DSCAM: variants seen among roughly 807,000 people sequenced by gnomAD.
The protein encoded by DSCAM is DS cell adhesion molecule.
DSCAM carries 47 observed loss-of-function variants against 217.7 expected under a neutral mutation model. The ratio of observed to expected loss-of-function variants is 0.22; its 90% CI spans 0.17 to 0.28. DSCAM has a LOEUF of 0.28. Ranked by LOEUF, DSCAM falls within the 10% of genes least tolerant of loss-of-function variation. The pLI, the probability that DSCAM is intolerant of heterozygous loss-of-function variation, is 1.00. For missense variants in DSCAM, 2,080 were observed against 2,618.3 expected, an observed-to-expected ratio of 0.79 and a Z score of 4.49; for synonymous variants, 1,056 against 1,015.3, an observed-to-expected ratio of 1.04 and a Z score of -0.76.
chr21:40,471,303 G>T (rs1287909443), intron 3 of DSCAM, among the ~76,000 whole-genome samples: 2 of 152,128 alleles, frequency 1.3e-5, no homozygotes, highest in Admixed American at 1.3e-4. Flanking sequence ...AGGAAGCAGG[G>T]GGAAGTGAAC....
chr21:40,346,961 C>T (rs1451378433), intron 6 of DSCAM, among the ~76,000 whole-genome samples: 1 of 152,098 alleles, frequency 6.6e-6, no homozygotes, highest in Non-Finnish European at 1.5e-5. Context: ...GAGGAAGGTG[C>T]TCCTAGCATA....
chr21:40,144,810 G>A lies in DSCAM; in HGVS notation c.3019-79C>T. On this transcript the variant is annotated intron_variant, in intron 16 of 32. Coordinates refer to ENST00000400454, the MANE Select transcript of DSCAM (RefSeq NM_001389.5). This position sits in a 1 kb window ranked among gnomAD's most constrained non-coding sequence, Gnocchi z 4.8. ...GAAATCAACGCCCACACCCACGTAG[G>A]AAAGCAGAAATAAAGTGGAGTCATC... 1 of 1,582,014 alleles carries A rather than the reference G, an allele frequency of 6.3e-7. No homozygotes were observed. The highest frequency in any genetic ancestry group is 8.6e-7 in the Non-Finnish European group (1 of 1,164,530).
intron 8 of DSCAM, among the ~76,000 whole-genome samples, chr21:40,317,630 A>T (rs968991594): frequency 3.3e-5 from 5 of 152,036 alleles, no homozygotes; most frequent in Non-Finnish European, 4.4e-5. Flanking sequence ...CCCGGGCTCA[A>T]GTGATTCTCC....
chr21:40,800,278 C>G (rs757450939), intron 1 of DSCAM, among the ~76,000 whole-genome samples: 1 of 152,020 alleles, frequency 6.6e-6, no homozygotes, highest in Non-Finnish European at 1.5e-5. Context: ...ATAAGCAATA[C>G]GAACTAAGAC....
At chr21:40,078,999 G>A in intron 25 of DSCAM, 22 bp from the exon 26 acceptor site, 9 of 1,609,366 alleles carry the variant, frequency 5.6e-6, no homozygotes, top group East Asian at 2.2e-5. Context: ...GGCACATGGA[G>A]GTCAGCTCAC....
intron 28 of DSCAM, among the ~76,000 whole-genome samples, chr21:40,062,553 T>A (rs2089139282): frequency 6.6e-6 from 1 of 152,188 alleles, no homozygotes. Context: ...CAGTAGTAAA[T>A]TTAGATGAAG....
rs1473031489 is a variant in DSCAM, at chr21:40,846,695, G to A, written c.-34C>T. ...CGCTCCCCGGCCTCCCGCGAGCGACGCGCCGGCCTCGCCCCCCGCGCTCCG... is the reference window on the plus strand; with the variant it reads ...CGCTCCCCGGCCTCCCGCGAGCGACACGCCGGCCTCGCCCCCCGCGCTCCG... On this transcript the variant is annotated 5_prime_UTR_variant, in exon 1 of 33. Coordinates refer to ENST00000400454, the MANE Select transcript of DSCAM (RefSeq NM_001389.5). 1.8e-6 allele frequency: 2 copies of A among 1,097,656 alleles called. No homozygotes were observed. The highest frequency in any genetic ancestry group is 2.3e-6 in the Non-Finnish European group (2 of 886,244). 68.0% of individuals were successfully genotyped at this position (1,097,656 alleles called of 1,614,324 possible).
intron 32 of DSCAM, among the ~76,000 whole-genome samples, chr21:40,031,206 G>C (rs2088517061): frequency 6.6e-6 from 1 of 152,162 alleles, no homozygotes. Flanking sequence ...GGTGGAAAGT[G>C]ATGGGGGAGG....
intron 3 of DSCAM, among the ~76,000 whole-genome samples, chr21:40,421,364 G>A (rs769410169): frequency 5.3e-5 from 8 of 152,170 alleles, no homozygotes; most frequent in African/African-American, 1.7e-4. Flanking sequence ...CCTGACCTTC[G>A]GTAAGCATAG....
intron 28 of DSCAM, among the ~76,000 whole-genome samples, chr21:40,056,419 A>C (rs1277101605): frequency 6.6e-6 from 1 of 152,180 alleles, no homozygotes; most frequent in Non-Finnish European, 1.5e-5. Context: ...AGCAATTACT[A>C]TCATAATTTA....
chr21:40,030,674 C>T (rs2088504473), intron 32 of DSCAM, among the ~76,000 whole-genome samples: 1 of 152,158 alleles, frequency 6.6e-6, no homozygotes. Context: ...CTGTTCACGC[C>T]CACTCGATGT....
intron 2 of DSCAM, among the ~76,000 whole-genome samples, chr21:40,696,016 TCTACATCCAA>T (rs2090591067): frequency 6.6e-6 from 1 of 152,052 alleles, no homozygotes; most frequent in Non-Finnish European, 1.5e-5. Flanking sequence ...TGATCTTCAT[TCTACATCCAA>T]CTACTGCTAA....
intron 9 of DSCAM, among the ~76,000 whole-genome samples, chr21:40,311,644 G>A (rs1305308199): frequency 1.3e-5 from 2 of 152,140 alleles, no homozygotes; most frequent in Admixed American, 1.3e-4. Context: ...ATTATGAAAA[G>A]CTATTTCATG....
At chr21:40,821,872 G>A (rs1342184740) in intron 1 of DSCAM, among the ~76,000 whole-genome samples, 1 of 152,124 alleles carries the variant, frequency 6.6e-6, no homozygotes, top group Non-Finnish European at 1.5e-5. Context: ...AGGGTGGAAA[G>A]TGGGAGGAGG....
intron 20 of DSCAM, among the ~76,000 whole-genome samples, chr21:40,113,212 C>A (rs1028082707): frequency 3.3e-5 from 5 of 152,148 alleles, no homozygotes; most frequent in African/African-American, 4.8e-5. Flanking sequence ...AGCTTATCCA[C>A]CATGATCAAG....
At chr21:40,665,239 A>G (rs1401643747) in intron 3 of DSCAM, among the ~76,000 whole-genome samples, 1 of 152,204 alleles carries the variant, frequency 6.6e-6, no homozygotes, top group African/African-American at 2.4e-5. Context: ...TGAGTAGTCA[A>G]AAGCAGCCTT....
chr21:40,353,420 T>C (rs368132080), intron 5 of DSCAM, 45 bp downstream of exon 5: 223 of 1,582,644 alleles, frequency 1.4e-4, no homozygotes, highest in Non-Finnish European at 1.9e-4. Flanking sequence ...AGGAGCTCCA[T>C]CGATGGAAGC....
intron 3 of DSCAM, among the ~76,000 whole-genome samples, chr21:40,481,772 G>T (rs1189106008): frequency 1.3e-5 from 2 of 152,118 alleles, no homozygotes; most frequent in Admixed American, 1.3e-4. Flanking sequence ...TAACCCACAT[G>T]CACTGCCTAG....
chr21:40,303,967 C>T (rs921114461), intron 9 of DSCAM, among the ~76,000 whole-genome samples: 1 of 152,102 alleles, frequency 6.6e-6, no homozygotes, highest in Non-Finnish European at 1.5e-5. Context: ...CTAGAGACCA[C>T]AACAGGAAGC....
Sources: allele counts gnomAD v4.1 joint callset (sites outside exome capture counted in the v4.1 genomes callset), GRCh38; gene constraint gnomAD v4.1.1; non-coding constraint Gnocchi (gnomAD v3.1); transcripts MANE v1.5; gene names NCBI Gene and HGNC (gene_info 2026-07-23, HGNC 2026-07-21).